CAMKMT: variants seen among roughly 807,000 people sequenced by gnomAD.
The protein encoded by CAMKMT is calmodulin-lysine N-methyltransferase.
In CAMKMT, 53 loss-of-function variants were observed where a neutral mutation model predicts 48.0. That is an observed-to-expected ratio of 1.10 (90% CI 0.89 to 1.39). CAMKMT has a LOEUF of 1.39. Among genes scored for constraint, CAMKMT ranks in the 40% most tolerant of loss-of-function variants. The pLI, the probability that CAMKMT is intolerant of heterozygous loss-of-function variation, is 0.00. For missense variants in CAMKMT, 428 were observed against 402.7 expected, an observed-to-expected ratio of 1.06 and a Z score of -0.54; for synonymous variants, 165 against 152.3, an observed-to-expected ratio of 1.08 and a Z score of -0.61.
At chr2:44,627,683 G>C (rs1672563373) in intron 3 of CAMKMT, among the ~76,000 whole-genome samples, 1 of 131,702 alleles carries the variant, frequency 7.6e-6, no homozygotes, top group Admixed American at 7.7e-5. Context: ...TATTTATAAT[G>C]GTCCCATTTT....
intron 3 of CAMKMT, among the ~76,000 whole-genome samples, chr2:44,594,367 A>G (rs1055815108): frequency 6.6e-6 from 1 of 152,174 alleles, no homozygotes; most frequent in Non-Finnish European, 1.5e-5. Flanking sequence ...AATCCTAAGC[A>G]AAAAGAACAA....
intron 2 of CAMKMT, among the ~76,000 whole-genome samples, chr2:44,381,024 G>C (rs962662122): frequency 6.6e-6 from 1 of 152,108 alleles, no homozygotes; most frequent in Admixed American, 6.5e-5. Flanking sequence ...GCCGGGAGTG[G>C]TGGCAGACAC....
intron 3 of CAMKMT, among the ~76,000 whole-genome samples, chr2:44,515,003 C>G (rs1670765655): frequency 1.3e-5 from 2 of 152,108 alleles, no homozygotes; most frequent in Non-Finnish European, 2.9e-5. Context: ...CTGTGTAGAC[C>G]ACTCACTTAT....
intron 3 of CAMKMT, among the ~76,000 whole-genome samples, chr2:44,400,573 T>G (rs1682273421): frequency 6.6e-6 from 1 of 152,160 alleles, no homozygotes; most frequent in Non-Finnish European, 1.5e-5. Flanking sequence ...GTCATGTTGT[T>G]TATCAAAGCT....
At chr2:44,689,392 C>T (rs935466056) in intron 3 of CAMKMT, among the ~76,000 whole-genome samples, 2 of 151,160 alleles carry the variant, frequency 1.3e-5, no homozygotes, top group African/African-American at 2.4e-5. Context: ...TCCGCCTCCC[C>T]GGTTCAAGTG....
chr2:44,370,199 A>G (rs1404286588), intron 1 of CAMKMT, among the ~76,000 whole-genome samples: 1 of 144,500 alleles, frequency 6.9e-6, no homozygotes. Flanking sequence ...CGTAGTAGGT[A>G]TCTATCCCAT....
chr2:44,527,431 T>TATA (rs1491395730), intron 3 of CAMKMT, among the ~76,000 whole-genome samples: 6 of 15,062 alleles, frequency 4.0e-4, no homozygotes, highest in African/African-American at 7.3e-4. Flanking sequence ...TATATATATA[T>TATA]TTTTTTTTTT....
chr2:44,546,440 C>T lies in CAMKMT; in HGVS notation c.376+156135C>T, dbSNP rs113241861. ...CATCACAAGTACTTGATCTGTTTCA[C>T]GTTTTATGGAATCGATAAATCTCAT... On this transcript the variant is annotated intron_variant, in intron 3 of 10. Coordinates refer to ENST00000378494, the MANE Select transcript of CAMKMT (RefSeq NM_024766.5). Among the ~76,000 whole-genome samples, 899 of 152,278 alleles carry T rather than the reference C, an allele frequency of 5.9e-3. 10 individuals carry two copies. The highest frequency in any genetic ancestry group is 0.019 in the African/African-American group (777 of 41,552).
At chr2:44,403,587 T>A (rs187685302) in intron 3 of CAMKMT, among the ~76,000 whole-genome samples, 1 of 152,364 alleles carries the variant, frequency 6.6e-6, no homozygotes, top group East Asian at 1.9e-4. Context: ...TGTGCCTTTA[T>A]GAACCTTCAT....
chr2:44,686,382 G>C (rs1256086731), intron 3 of CAMKMT, among the ~76,000 whole-genome samples: 2 of 139,274 alleles, frequency 1.4e-5, no homozygotes, highest in Non-Finnish European at 3.0e-5. Flanking sequence ...AACAGAGCGA[G>C]ACTCTGCCTC....
intron 3 of CAMKMT, among the ~76,000 whole-genome samples, chr2:44,416,612 C>T (rs931789231): frequency 1.7e-5 from 2 of 121,034 alleles, no homozygotes; most frequent in Non-Finnish European, 3.2e-5. Context: ...CTTGCTCTGT[C>T]GCCTAGGCTG....
chr2:44,706,270 T>A lies in CAMKMT; in HGVS notation c.438-17T>A. On this transcript the variant is annotated splice_polypyrimidine_tract_variant and intron_variant, in intron 4 of 10. Transcript: ENST00000378494. Reference sequence around the variant, plus strand: ...TCTAATTTGTATGGGTTCTACCATTTCTTTTCTCTCTTTCAGGGCCCTTGC... The same window carrying A: ...TCTAATTTGTATGGGTTCTACCATTACTTTTCTCTCTTTCAGGGCCCTTGC... 6.2e-7 allele frequency: 1 copy of A among 1,613,170 alleles called. No homozygotes were observed. The highest frequency in any genetic ancestry group is 1.1e-5 in the South Asian group (1 of 91,048).
At chr2:44,681,596 T>G (rs1291618975) in intron 3 of CAMKMT, among the ~76,000 whole-genome samples, 1 of 150,238 alleles carries the variant, frequency 6.7e-6, no homozygotes, top group Non-Finnish European at 1.5e-5. Context: ...AAGAGCAAGG[T>G]CCTTTCTTTA....
chr2:44,491,472 T>C (rs1669502937), intron 3 of CAMKMT, among the ~76,000 whole-genome samples: 1 of 152,198 alleles, frequency 6.6e-6, no homozygotes, highest in South Asian at 2.1e-4. Flanking sequence ...GCTTCCAGGA[T>C]ATTTAAAAAC....
At chr2:44,534,516 A>G (rs1224755813) in intron 3 of CAMKMT, among the ~76,000 whole-genome samples, 1 of 152,210 alleles carries the variant, frequency 6.6e-6, no homozygotes, top group African/African-American at 2.4e-5. Flanking sequence ...ATTTTTAAGA[A>G]TAGCAATCCT....
intron 2 of CAMKMT, among the ~76,000 whole-genome samples, chr2:44,379,698 A>C (rs1364769532): frequency 6.7e-6 from 1 of 150,128 alleles, no homozygotes; most frequent in East Asian, 2.0e-4. Context: ...TCATGTGCTT[A>C]TTGGCCATTT....
rs1673874539 is a variant in CAMKMT, at chr2:44,648,460, A to T, written c.377-55823A>T. ...AGATATTTTGCCTGTCATGGAGAAC[A>T]TGATGGCATTCTTCAAACATTTGAA... On this transcript the variant is annotated intron_variant, in intron 3 of 10. Coordinates refer to ENST00000378494, the MANE Select transcript of CAMKMT (RefSeq NM_024766.5). Among the ~76,000 whole-genome samples the T allele has an allele frequency of 3.3e-5, 5 of 152,260 alleles. No homozygotes were observed. In the South Asian group the frequency reaches 1.0e-3, roughly 32 times the overall value.
intron 3 of CAMKMT, among the ~76,000 whole-genome samples, chr2:44,407,270 G>A (rs1405735078): frequency 6.6e-6 from 1 of 152,168 alleles, no homozygotes; most frequent in Non-Finnish European, 1.5e-5. Flanking sequence ...CTGTATGACA[G>A]ATCTCTGTGC....
intron 3 of CAMKMT, among the ~76,000 whole-genome samples, chr2:44,545,850 A>G (rs924925625): frequency 3.3e-5 from 5 of 152,044 alleles, no homozygotes; most frequent in Admixed American, 3.3e-4. Context: ...TAGAAGCCAG[A>G]TATAATTTAA....
Sources: gnomAD v4.1 joint callset for allele counts (sites outside exome capture counted in the v4.1 genomes callset) on GRCh38, gnomAD v4.1.1 for gene constraint, MANE v1.5 for transcripts, NCBI Gene and HGNC (gene_info 2026-07-23, HGNC 2026-07-21) for gene names.